The following NIPBL variants were observed in gnomAD, a reference collection of about 807,000 sequenced individuals.
NIPBL encodes nipped-B-like protein.
Under a neutral mutation model 321.8 loss-of-function variants are expected in NIPBL, and 19 were observed. The ratio of observed to expected loss-of-function variants is 0.06; its 90% CI spans 0.04 to 0.09. The LOEUF is 0.09. Ranked by LOEUF, NIPBL falls within the 10% of genes least tolerant of loss-of-function variation. The pLI, the probability that NIPBL is intolerant of heterozygous loss-of-function variation, is 1.00. For synonymous variants in NIPBL, 1,106 were observed against 1,114.1 expected (o/e 0.99, Z 0.14); for missense variants, 2,210 against 3,327.0 (o/e 0.66, Z 8.26).
intron 1 of NIPBL, among the ~76,000 whole-genome samples, chr5:36,918,584 G>A (rs1280402455): frequency 1.3e-5 from 2 of 152,188 alleles, no homozygotes; most frequent in African/African-American, 4.8e-5. Flanking sequence ...GGTGAGAGAG[G>A]GCGTCCCTGT....
At chr5:37,043,400 C>T (rs943708965) in intron 34 of NIPBL, among the ~76,000 whole-genome samples, 17 of 151,946 alleles carry the variant, frequency 1.1e-4, no homozygotes, top group South Asian at 2.1e-4. Context: ...TGGTGGTGGG[C>T]GCCTGTAATC....
chr5:37,064,238 T>G, intron 46 of NIPBL: 2 of 1,381,866 alleles, frequency 1.4e-6, no homozygotes, highest in East Asian at 2.7e-5. Context: ...TAATGTGTGT[T>G]ATTTTTATTG....
At chr5:37,061,357 C>G (rs1216620446) in intron 45 of NIPBL, among the ~76,000 whole-genome samples, 1 of 152,066 alleles carries the variant, frequency 6.6e-6, no homozygotes, top group African/African-American at 2.4e-5. Context: ...TACCCAAATC[C>G]TCCGATATTC....
intron 1 of NIPBL, among the ~76,000 whole-genome samples, chr5:36,941,528 A>C (rs75209271): frequency 6.6e-5 from 10 of 151,194 alleles, no homozygotes; most frequent in Non-Finnish European, 1.3e-4. Flanking sequence ...AAAAAAAAAA[A>C]CCACCAAAAA....
At chr5:36,900,187 G>A (rs1423372783) in intron 1 of NIPBL, among the ~76,000 whole-genome samples, 2 of 151,884 alleles carry the variant, frequency 1.3e-5, no homozygotes, top group Non-Finnish European at 2.9e-5. Context: ...GCACAGATTG[G>A]AAATATTCAG....
chr5:36,919,257 A>T (rs1454446318), intron 1 of NIPBL, among the ~76,000 whole-genome samples: 1 of 152,220 alleles, frequency 6.6e-6, no homozygotes, highest in Non-Finnish European at 1.5e-5. Context: ...CCAAAAGGTA[A>T]AGTAGGAAAG....
At chr5:37,041,583 G>A (rs993660034) in intron 34 of NIPBL, among the ~76,000 whole-genome samples, 2 of 140,278 alleles carry the variant, frequency 1.4e-5, no homozygotes, top group Non-Finnish European at 3.1e-5. Flanking sequence ...TTTTTTTTAA[G>A]ACACAGTCTT....
At chr5:36,941,308 G>C (rs976619745) in intron 1 of NIPBL, among the ~76,000 whole-genome samples, 8 of 151,776 alleles carry the variant, frequency 5.3e-5, no homozygotes, top group African/African-American at 1.7e-4. Flanking sequence ...TTTAGAAACC[G>C]ATCTTTCTAT....
At chr5:37,007,012 A>G (rs1004509210) in intron 17 of NIPBL, among the ~76,000 whole-genome samples, 3 of 151,946 alleles carry the variant, frequency 2.0e-5, no homozygotes, top group African/African-American at 7.2e-5. Flanking sequence ...GATCTATTGT[A>G]TAACTGCAAA....
chr5:36,936,279 A>T (rs1290965603), intron 1 of NIPBL, among the ~76,000 whole-genome samples: 2 of 152,174 alleles, frequency 1.3e-5, no homozygotes, highest in Non-Finnish European at 2.9e-5. Context: ...CATGCACCAT[A>T]TGATGACATT....
chr5:36,993,821 C>G (rs1305205274), intron 10 of NIPBL, among the ~76,000 whole-genome samples: 1 of 151,932 alleles, frequency 6.6e-6, no homozygotes, highest in Admixed American at 6.6e-5. Context: ...CTATCAAATA[C>G]AGCAACTCAG....
At chr5:36,926,470 T>C (rs1749369473) in intron 1 of NIPBL, among the ~76,000 whole-genome samples, 1 of 152,240 alleles carries the variant, frequency 6.6e-6, no homozygotes, top group South Asian at 2.1e-4. Context: ...GGAGACATCA[T>C]GTGTAGCATC....
Position 36,956,616 on chromosome 5 carries a change from C to CTTTTTT in NIPBL, c.230+1000_230+1005dup, listed in dbSNP as rs34760816. On this transcript the variant is annotated intron_variant, in intron 3 of 46. Coordinates refer to ENST00000282516, the MANE Select transcript of NIPBL (RefSeq NM_133433.4). ...AAATTCAGCAATATCTAAATCACTTCTTTTTTTTTTTTTTTTTTTTTTTTT... is the reference window on the plus strand; with the variant it reads ...AAATTCAGCAATATCTAAATCACTTCTTTTTTTTTTTTTTTTTTTTTTTTTTTTTTT... Among the ~76,000 whole-genome samples, 71 of 79,486 alleles carry CTTTTTT rather than the reference C, an allele frequency of 8.9e-4. 2 individuals are homozygous for CTTTTTT. Among genetic ancestry groups the CTTTTTT allele is most frequent in the Admixed American group, 1.2e-3 (8 of 6,884 alleles). The allele number at this position is 79,486 out of a possible 152,430, so 52.1% of individuals were successfully genotyped here.
chr5:37,061,180 C>T (rs1754627168), intron 45 of NIPBL, among the ~76,000 whole-genome samples, 162 bp downstream of exon 45: 1 of 152,154 alleles, frequency 6.6e-6, no homozygotes, highest in Non-Finnish European at 1.5e-5. Flanking sequence ...TTACTTTAAG[C>T]TTGTCTTTCC....
intron 34 of NIPBL, among the ~76,000 whole-genome samples, chr5:37,041,261 T>TG (rs1454470566): frequency 1.5e-4 from 19 of 122,834 alleles, no homozygotes; most frequent in African/African-American, 6.1e-4. Context: ...GGTTTTTTTT[T>TG]TTTTTTTTTT....
intron 5 of NIPBL, 103 bp downstream of exon 5, chr5:36,961,686 T>A: frequency 1.2e-6 from 1 of 842,158 alleles, no homozygotes; most frequent in South Asian, 1.4e-5. Context: ...ATTTAGAGTT[T>A]AAATAGTTGA....
intron 42 of NIPBL, among the ~76,000 whole-genome samples, chr5:37,053,092 T>A (rs1439265947): frequency 6.6e-6 from 1 of 152,198 alleles, no homozygotes; most frequent in Non-Finnish European, 1.5e-5. Flanking sequence ...ATATATACAG[T>A]CATGCATCAC....
At chr5:37,036,193 A>G (rs187739940) in intron 32 of NIPBL, among the ~76,000 whole-genome samples, 186 bp from the exon 33 acceptor site, 18 of 151,696 alleles carry the variant, frequency 1.2e-4, no homozygotes, top group Admixed American at 7.2e-4. Flanking sequence ...TTAAACATAT[A>G]TATTTTTGTT....
At chr5:36,952,707 G>C (rs1321696159) in intron 1 of NIPBL, among the ~76,000 whole-genome samples, 1 of 152,168 alleles carries the variant, frequency 6.6e-6, no homozygotes, top group Non-Finnish European at 1.5e-5. Flanking sequence ...TAAGTCATTT[G>C]TATGGGGAAC....
Sources: allele counts gnomAD v4.1 joint callset (sites outside exome capture counted in the v4.1 genomes callset), GRCh38; gene constraint gnomAD v4.1.1; transcripts MANE v1.5; gene names NCBI Gene and HGNC (gene_info 2026-07-23, HGNC 2026-07-21).